Variants in SND1 observed in about 807,000 individuals in gnomAD.
SND1 encodes staphylococcal nuclease domain-containing protein 1.
SND1 carries 38 observed loss-of-function variants against 121.7 expected under a neutral mutation model. That is an observed-to-expected ratio of 0.31 (90% CI 0.24 to 0.41). The LOEUF (loss-of-function observed/expected upper bound fraction) is 0.41. SND1 is among the 10% of genes least tolerant of loss of function. The pLI, the probability that SND1 is intolerant of heterozygous loss-of-function variation, is 1.00. For missense variants in SND1, 868 were observed against 1,184.6 expected (o/e 0.73, Z 3.92); for synonymous variants, 401 against 447.4 (o/e 0.90, Z 1.31).
At chr7:127,966,931 G>A (rs949504700) in intron 15 of SND1, among the ~76,000 whole-genome samples, 2 of 151,922 alleles carry the variant, frequency 1.3e-5, no homozygotes, top group African/African-American at 4.8e-5. Context: ...TTTTTGAAAG[G>A]ATCAACAAAA....
chr7:127,919,975 A>G (rs1226642770), intron 14 of SND1, among the ~76,000 whole-genome samples: 1 of 152,130 alleles, frequency 6.6e-6, no homozygotes, highest in Non-Finnish European at 1.5e-5. Flanking sequence ...TCTTCTTACA[A>G]ATTGGTATTT....
intron 8 of SND1, among the ~76,000 whole-genome samples, chr7:127,706,449 T>G (rs376355453): frequency 5.5e-4 from 83 of 152,060 alleles, no homozygotes; most frequent in South Asian, 1.7e-3. Flanking sequence ...TAGTGGAGAC[T>G]GGGTTTCACC....
intron 13 of SND1, 62 bp downstream of exon 13, chr7:127,888,074 T>G: frequency 2.8e-6 from 3 of 1,086,074 alleles, no homozygotes; most frequent in Non-Finnish European, 4.2e-6. Context: ...CTTTCCCAGT[T>G]TTGTGCCTAT....
rs1792917166 is a variant in SND1, at chr7:128,044,732, T to G, written c.1780-29770T>G. On this transcript the variant is annotated intron_variant, in intron 16 of 23. Coordinates refer to ENST00000354725, the MANE Select transcript of SND1 (RefSeq NM_014390.4). ...AGAATCTTCAAGTTTAAGCCATTTT[T>G]GAAATGGTTTTGCTCTCATCCCTGG... is the stretch of plus-strand genomic sequence containing the variant. Among the ~76,000 whole-genome samples the G allele has an allele frequency of 5.3e-5, 8 of 151,468 alleles. No individual in the cohort carries two copies. In the South Asian group the frequency reaches 1.7e-3, roughly 32 times the overall value.
chr7:127,804,241 G>T (rs1376943564), intron 10 of SND1, among the ~76,000 whole-genome samples: 1 of 152,122 alleles, frequency 6.6e-6, no homozygotes, highest in Non-Finnish European at 1.5e-5. Flanking sequence ...GATGTTTGCA[G>T]ATGTCAATAG....
chr7:127,695,695 G>A (rs546036278), intron 3 of SND1, among the ~76,000 whole-genome samples: 4 of 152,164 alleles, frequency 2.6e-5, no homozygotes, highest in Admixed American at 6.5e-5. Context: ...GCGTGGTGGC[G>A]CACGCCTGTA....
In SND1 at chr7:128,015,385, A is replaced by T. The variant is rs1447575478; in HGVS notation, c.1779+24329A>T. The stretch of plus-strand genomic sequence containing the variant: ...TTGCAGAAAACACTTTCCAGCCTTC[A>T]TCAGCGCTAATCTGTTTTTGAAAAT... On this transcript the variant is annotated intron_variant, in intron 16 of 23. Transcript: ENST00000354725. The surrounding 1 kb of genome is among the most constrained non-coding windows in gnomAD (Gnocchi z 4.5). 6.6e-6 allele frequency among the ~76,000 whole-genome samples: 1 copy of T among 152,224 alleles called. No homozygotes were observed. The highest frequency in any genetic ancestry group is 2.4e-5 in the African/African-American group (1 of 41,458).
chr7:127,791,925 A>G (rs1797916407), intron 10 of SND1, among the ~76,000 whole-genome samples: 1 of 152,244 alleles, frequency 6.6e-6, no homozygotes, highest in Non-Finnish European at 1.5e-5. Flanking sequence ...ATTGCAATTT[A>G]CAAAGCCATG....
intron 15 of SND1, among the ~76,000 whole-genome samples, chr7:127,954,161 T>TC (rs1801538298): frequency 6.6e-6 from 1 of 151,914 alleles, no homozygotes; most frequent in Non-Finnish European, 1.5e-5. Flanking sequence ...TTTCCTTCCT[T>TC]CCCCCCTTAC....
chr7:127,759,626 G>C (rs901438787), intron 10 of SND1, among the ~76,000 whole-genome samples: 1 of 152,152 alleles, frequency 6.6e-6, no homozygotes, highest in Non-Finnish European at 1.5e-5. Flanking sequence ...CTGGAGTGTT[G>C]CTTGCCCCCA....
At chr7:127,749,045 T>TC (rs1380799652) in intron 10 of SND1, among the ~76,000 whole-genome samples, 3 of 103,668 alleles carry the variant, frequency 2.9e-5, no homozygotes, top group Non-Finnish European at 7.9e-5. Flanking sequence ...TTTCTTTCGT[T>TC]TTTTTTTTTT....
intron 2 of SND1, among the ~76,000 whole-genome samples, chr7:127,690,298 A>G (rs1044699132): frequency 7.9e-5 from 12 of 152,082 alleles, no homozygotes; most frequent in African/African-American, 2.7e-4. Context: ...TTGTGATATG[A>G]CTTTTAGACT....
intron 1 of SND1, among the ~76,000 whole-genome samples, chr7:127,658,352 C>T (rs1442725680): frequency 6.6e-6 from 1 of 152,036 alleles, no homozygotes; most frequent in African/African-American, 2.4e-5. Context: ...AGAAAAAATA[C>T]TTAGTCATAT....
At chr7:127,717,287 T>A (rs918900031) in intron 9 of SND1, among the ~76,000 whole-genome samples, 1 of 152,360 alleles carries the variant, frequency 6.6e-6, no homozygotes, top group Admixed American at 6.5e-5. Flanking sequence ...TTATTTCTGT[T>A]CCAGGATACC....
At chr7:127,742,602 C>T (rs1436856461) in intron 10 of SND1, among the ~76,000 whole-genome samples, 6 of 151,902 alleles carry the variant, frequency 3.9e-5, no homozygotes, top group Non-Finnish European at 5.9e-5. Flanking sequence ...AGTGGGATGG[C>T]GGCAAGTACC....
intron 15 of SND1, among the ~76,000 whole-genome samples, chr7:127,962,315 G>T (rs991778784): frequency 1.3e-5 from 2 of 152,162 alleles, no homozygotes; most frequent in Non-Finnish European, 2.9e-5. Flanking sequence ...AAGAATACAC[G>T]ATCTTGGTTG....
At chr7:128,033,348 C>A (rs1360588106) in intron 16 of SND1, among the ~76,000 whole-genome samples, 1 of 152,146 alleles carries the variant, frequency 6.6e-6, no homozygotes, top group Non-Finnish European at 1.5e-5. Flanking sequence ...GAAGCCGGTC[C>A]AGTAGAATAT....
intron 16 of SND1, among the ~76,000 whole-genome samples, chr7:128,023,456 T>A (rs1230931292): frequency 6.6e-6 from 1 of 152,184 alleles, no homozygotes; most frequent in Non-Finnish European, 1.5e-5. Context: ...CTTCCCAAGG[T>A]CCCAGCCCTC....
At chr7:128,062,127 C>T (rs901906528) in intron 16 of SND1, among the ~76,000 whole-genome samples, 8 of 152,218 alleles carry the variant, frequency 5.3e-5, no homozygotes, top group South Asian at 2.1e-4. Context: ...ATTCTGTGTC[C>T]GATCTGGAGT....
Sources: allele counts gnomAD v4.1 joint callset (sites outside exome capture counted in the v4.1 genomes callset), GRCh38; gene constraint gnomAD v4.1.1; non-coding constraint Gnocchi (gnomAD v3.1); transcripts MANE v1.5; gene names NCBI Gene and HGNC (gene_info 2026-07-23, HGNC 2026-07-21).